Variants in ICA1L observed in about 807,000 individuals in gnomAD.
ICA1L encodes the protein islet cell autoantigen 1-like protein.
ICA1L carries 50 observed loss-of-function variants against 61.3 expected under a neutral mutation model. The observed-to-expected ratio is 0.82, with a 90% CI of 0.65 to 1.03. ICA1L has a LOEUF of 1.03. Among genes scored for constraint, ICA1L ranks in the 50% least tolerant of loss-of-function variants. The pLI is 0.00. For missense variants in ICA1L, 508 were observed against 556.7 expected (o/e 0.91, Z 0.88); for synonymous variants, 161 against 191.3 (o/e 0.84, Z 1.31).
chr2:202,795,024 G>A (rs1228826315), intron 10 of ICA1L, among the ~76,000 whole-genome samples: 4 of 149,734 alleles, frequency 2.7e-5, no homozygotes, highest in African/African-American at 9.7e-5. Flanking sequence ...AAAAAGGAGG[G>A]GGGATTCTAG....
At chr2:202,852,134 T>C (rs2105881676) in intron 1 of ICA1L, among the ~76,000 whole-genome samples, 1 of 152,328 alleles carries the variant, frequency 6.6e-6, no homozygotes, top group East Asian at 1.9e-4. Context: ...GTTTTTATGG[T>C]TTTAGGTCTA....
intron 1 of ICA1L, among the ~76,000 whole-genome samples, chr2:202,855,603 A>C (rs931540238): frequency 9.2e-5 from 14 of 152,156 alleles, no homozygotes; most frequent in African/African-American, 3.4e-4. Context: ...CAAATCCCTG[A>C]ATAGACCAAT....
At position 202,774,299 on chromosome 2, in the gene ICA1L, G is replaced by T. The variant is rs889323928; in HGVS notation, c.*5234C>A. On this transcript the variant is annotated 3_prime_UTR_variant, in exon 13 of 13. Coordinates refer to ENST00000358299, the MANE Select transcript of ICA1L (RefSeq NM_001288622.3). ...CGCGTGCAGGCACCTACGGGCGACC[G>T]CGGACGGCGGCGCGCGCGTTCCCCG... The T allele has an allele frequency of 4.6e-6, 7 of 1,516,020 alleles. No individual in the cohort carries two copies. The highest frequency in any genetic ancestry group is 6.2e-6 in the Non-Finnish European group (7 of 1,136,844). 93.9% of individuals were successfully genotyped at this position (1,516,020 alleles called of 1,614,324 possible).
intron 1 of ICA1L, chr2:202,841,655 G>A (rs901522591): frequency 5.1e-6 from 3 of 583,774 alleles, no homozygotes; most frequent in East Asian, 4.2e-5. Context: ...GCCCACTCGG[G>A]AGAAGCTCAA....
At chr2:202,788,012 G>A (rs1182710138) in intron 11 of ICA1L, among the ~76,000 whole-genome samples, 4 of 152,224 alleles carry the variant, frequency 2.6e-5, no homozygotes, top group Non-Finnish European at 5.9e-5. Flanking sequence ...GCATCAGAGG[G>A]CTGTGGAGCA....
chr2:202,785,878 C>A (rs1692562964), intron 12 of ICA1L, 40 bp downstream of exon 12: 4 of 1,114,018 alleles, frequency 3.6e-6, no homozygotes, highest in Non-Finnish European at 4.0e-6. Flanking sequence ...TCAACTGATT[C>A]TTAAAGCAAT....
At chr2:202,838,920 A>G (rs1352643731) in intron 1 of ICA1L, among the ~76,000 whole-genome samples, 2 of 152,140 alleles carry the variant, frequency 1.3e-5, no homozygotes, top group Non-Finnish European at 2.9e-5. Flanking sequence ...AGGGCGAGGC[A>G]CAATACTCCC....
intron 9 of ICA1L, among the ~76,000 whole-genome samples, chr2:202,802,048 C>T (rs1025886197): frequency 6.6e-6 from 1 of 152,116 alleles, no homozygotes; most frequent in African/African-American, 2.4e-5. Context: ...CCAAGGACTT[C>T]AGATATTTGT....
chr2:202,852,634 T>G (rs1003146966), intron 1 of ICA1L, among the ~76,000 whole-genome samples: 1 of 129,852 alleles, frequency 7.7e-6, no homozygotes, highest in African/African-American at 3.1e-5. Flanking sequence ...ATTGCACCAC[T>G]GCACTCCAGC....
chr2:202,861,252 A>G (rs1255321879), intron 1 of ICA1L, among the ~76,000 whole-genome samples: 1 of 151,630 alleles, frequency 6.6e-6, no homozygotes, highest in East Asian at 1.9e-4. Flanking sequence ...TAAAAATACA[A>G]AAATTAGTCA....
chr2:202,789,158 T>C, intron 10 of ICA1L, 71 bp from the exon 11 acceptor site: 1 of 1,253,888 alleles, frequency 8.0e-7, no homozygotes. Flanking sequence ...ATAGGATGAA[T>C]CAAATTTGTT....
intron 9 of ICA1L, among the ~76,000 whole-genome samples, chr2:202,799,902 G>A (rs62194663): frequency 0.41 from 60,935 of 147,144 alleles, 13,519 homozygotes; most frequent in Middle Eastern, 0.66. Flanking sequence ...TTTTTTAGAT[G>A]GAGTGTCACT....
At chr2:202,853,354 CAAAA>C (rs565006368) in intron 1 of ICA1L, among the ~76,000 whole-genome samples, 3 of 94,410 alleles carry the variant, frequency 3.2e-5, no homozygotes, top group Non-Finnish European at 4.3e-5. Context: ...GAGACTCCGT[CAAAA>C]AAAAAAAAAA....
chr2:202,792,704 G>A (rs1692790392), intron 10 of ICA1L, among the ~76,000 whole-genome samples: 1 of 152,124 alleles, frequency 6.6e-6, no homozygotes, highest in African/African-American at 2.4e-5. Context: ...TACTGGGGAG[G>A]CTGAGGCAGG....
intron 1 of ICA1L, chr2:202,841,697 T>C (rs971306488): frequency 1.9e-6 from 1 of 529,170 alleles, no homozygotes; most frequent in Non-Finnish European, 3.7e-6. Flanking sequence ...CCCACGCGCA[T>C]AGGAGCAGTT....
chr2:202,861,461 A>G (rs929891533), intron 1 of ICA1L, among the ~76,000 whole-genome samples: 4 of 150,802 alleles, frequency 2.7e-5, no homozygotes, highest in Non-Finnish European at 5.9e-5. Flanking sequence ...ATGTTACTAA[A>G]TAACAAAGCT....
At chr2:202,841,174 C>T in intron 1 of ICA1L, 1 of 668,662 alleles carries the variant, frequency 1.5e-6, no homozygotes, top group Non-Finnish European at 2.8e-6. Context: ...TTCATATAAG[C>T]TTCATCCACA....
chr2:202,816,480 A>C (rs906565695), intron 6 of ICA1L, among the ~76,000 whole-genome samples: 5 of 152,226 alleles, frequency 3.3e-5, no homozygotes, highest in African/African-American at 1.2e-4. Flanking sequence ...AGATTTGCCA[A>C]AAAATGTGTT....
intron 9 of ICA1L, among the ~76,000 whole-genome samples, chr2:202,808,692 G>C (rs184122580): frequency 1.6e-4 from 24 of 152,336 alleles, no homozygotes; most frequent in African/African-American, 5.5e-4. Context: ...CCATGTGTTT[G>C]GGGGGAAGTA....
Sources: gnomAD v4.1 joint callset for allele counts (sites outside exome capture counted in the v4.1 genomes callset) on GRCh38, gnomAD v4.1.1 for gene constraint, MANE v1.5 for transcripts, NCBI Gene and HGNC (gene_info 2026-07-23, HGNC 2026-07-21) for gene names.